The following VRK2 variants were observed in gnomAD, a reference collection of about 807,000 sequenced individuals.
The protein encoded by VRK2 is VRK serine/threonine kinase 2.
A neutral mutation model predicts 57.6 loss-of-function variants in VRK2; 60 were observed. The observed-to-expected ratio is 1.04, with a 90% CI of 0.85 to 1.29. VRK2 has a LOEUF of 1.29. Ranked by LOEUF, VRK2 falls within the 50% of genes most tolerant of loss-of-function variation. The probability of loss-of-function intolerance (pLI) is 0.00; values close to 1 mark genes in which losing one functional copy is unlikely to be tolerated. For missense variants in VRK2, 705 were observed against 588.1 expected, an observed-to-expected ratio of 1.20 and a Z score of -2.06; for synonymous variants, 231 against 199.2, an observed-to-expected ratio of 1.16 and a Z score of -1.35.
chr2:57,957,129 G>A (rs1671610860), intron 1 of VRK2, among the ~76,000 whole-genome samples: 1 of 152,014 alleles, frequency 6.6e-6, no homozygotes, highest in Non-Finnish European at 1.5e-5. Context: ...CAGGTTCCAG[G>A]CTCACTTTTG....
In VRK2 at chr2:57,935,325, G is replaced by C. The variant is rs889779621; in HGVS notation, c.-439+27486G>C. On this transcript the variant is annotated intron_variant, in intron 1 of 15. Coordinates refer to the VRK2 transcript ENST00000417641. The stretch of plus-strand genomic sequence containing the variant: ...ACACCTATTGATTCCTCTTGGTGGG[G>C]TGTGGGGGAATTCTTAAGACTGTAT... Among the ~76,000 whole-genome samples, 3 of 152,250 alleles carry C rather than the reference G, an allele frequency of 2.0e-5. No homozygotes were observed. The South Asian group carries it at 6.2e-4, about 32-fold the overall frequency.
chr2:58,122,074 G>A (rs1030690501), intron 7 of VRK2, among the ~76,000 whole-genome samples: 2 of 152,158 alleles, frequency 1.3e-5, no homozygotes, highest in African/African-American at 4.8e-5. Context: ...GACTTAGAAA[G>A]GTAACAGTGA....
chr2:58,102,646 A>G (rs76367119), intron 7 of VRK2, among the ~76,000 whole-genome samples: 10,445 of 151,734 alleles, frequency 0.069, 431 homozygotes, highest in Middle Eastern at 0.1. Context: ...TAGCAATACA[A>G]TAATAATGGG....
intron 9 of VRK2, among the ~76,000 whole-genome samples, chr2:58,134,405 A>T (rs183776063): frequency 4.1e-4 from 62 of 151,798 alleles, no homozygotes; most frequent in African/African-American, 1.4e-3. Flanking sequence ...AGGTCAGGAG[A>T]TCGAGACCAT....
intron 12 of VRK2, among the ~76,000 whole-genome samples, chr2:58,157,986 A>G (rs1001651017): frequency 2.6e-5 from 4 of 152,200 alleles, no homozygotes; most frequent in Non-Finnish European, 5.9e-5. Context: ...TACTGAAGAC[A>G]ACAGGTGGTT....
At chr2:57,988,850 A>G (rs540201251) in intron 1 of VRK2, among the ~76,000 whole-genome samples, 5 of 152,290 alleles carry the variant, frequency 3.3e-5, no homozygotes, top group East Asian at 3.9e-4. Flanking sequence ...TAATTCCCAT[A>G]ATAAGCCTCT....
At position 58,021,779 on chromosome 2, in the gene VRK2, T is replaced by C. The variant is rs149978489; in HGVS notation, c.-438-3886T>C. ...ACCTTTCCACATTATCACAATTGGC[T>C]ACCGAAACCTACATCTTCATTCCAT... On this transcript the variant is annotated intron_variant, in intron 1 of 15. Transcript: ENST00000417641. Among the ~76,000 whole-genome samples the C allele has an allele frequency of 9.2e-5, 14 of 152,302 alleles. No individual in the cohort carries two copies. The East Asian group carries it at 2.7e-3, about 29-fold the overall frequency.
At chr2:58,085,528 TA>T (rs1671490617) in intron 4 of VRK2, among the ~76,000 whole-genome samples, 1 of 151,956 alleles carries the variant, frequency 6.6e-6, no homozygotes, top group Non-Finnish European at 1.5e-5. Context: ...AACAGCATTT[TA>T]TAAATGTGAT....
At chr2:58,114,246 CA>C (rs1315739938) in intron 7 of VRK2, among the ~76,000 whole-genome samples, 1 of 152,060 alleles carries the variant, frequency 6.6e-6, no homozygotes, top group Non-Finnish European at 1.5e-5. Flanking sequence ...GTCCTGCCAG[CA>C]AAGATTATTT....
chr2:58,147,967 C>T (rs1334021919), intron 12 of VRK2, among the ~76,000 whole-genome samples: 1 of 151,808 alleles, frequency 6.6e-6, no homozygotes, highest in Admixed American at 6.6e-5. Flanking sequence ...GACATTTGGG[C>T]TACTACTCAT....
At chr2:57,986,341 A>G (rs1002754147) in intron 1 of VRK2, among the ~76,000 whole-genome samples, 1 of 152,176 alleles carries the variant, frequency 6.6e-6, no homozygotes, top group African/African-American at 2.4e-5. Flanking sequence ...TAGATCTAAT[A>G]TAGATTTTGG....
intron 7 of VRK2, among the ~76,000 whole-genome samples, chr2:58,108,450 T>G (rs1422168463): frequency 6.6e-6 from 1 of 152,206 alleles, no homozygotes; most frequent in Non-Finnish European, 1.5e-5. Flanking sequence ...ACAAAAATTG[T>G]GCCCCACCTT....
chr2:58,114,148 A>C (rs946816927), intron 7 of VRK2, among the ~76,000 whole-genome samples: 13 of 152,188 alleles, frequency 8.5e-5, no homozygotes, highest in Non-Finnish European at 1.5e-4. Flanking sequence ...TAAATGGAAT[A>C]AGAGAAGGAG....
intron 2 of VRK2, among the ~76,000 whole-genome samples, chr2:58,073,874 T>C: frequency 6.6e-6 from 1 of 151,830 alleles, no homozygotes; most frequent in East Asian, 1.9e-4. Flanking sequence ...AGTCTAATCT[T>C]TTCACATTCT....
At chr2:58,129,903 CG>C (rs1385714160) in intron 8 of VRK2, among the ~76,000 whole-genome samples, 41 of 152,084 alleles carry the variant, frequency 2.7e-4, no homozygotes, top group Non-Finnish European at 3.1e-4. Flanking sequence ...ATTCACCTAA[CG>C]GTAGTTATTA....
Position 57,978,856 on chromosome 2 carries a change from T to C in VRK2, c.-438-46809T>C, listed in dbSNP as rs572191406. Among the ~76,000 whole-genome samples the C allele has an allele frequency of 1.2e-3, 183 of 150,888 alleles. 12 individuals are homozygous for C. Among genetic ancestry groups the C allele is most frequent in the African/African-American group, 4.5e-3 (180 of 40,300 alleles). On this transcript the variant is annotated intron_variant, in intron 1 of 15. Transcript: ENST00000417641. Reference sequence around the variant, plus strand: ...TATGTTGTTCCCCTCTCCATGTCCATGTGTTCTCAATCTTCAACTCCCAAT... The same window carrying C: ...TATGTTGTTCCCCTCTCCATGTCCACGTGTTCTCAATCTTCAACTCCCAAT...
intron 7 of VRK2, among the ~76,000 whole-genome samples, chr2:58,112,555 G>A (rs936473116): frequency 3.1e-4 from 45 of 147,042 alleles, no homozygotes; most frequent in African/African-American, 1.1e-3. Context: ...TCACTGGAAT[G>A]AGCTGACAGT....
At chr2:58,065,167 G>T (rs751919150) in intron 2 of VRK2, among the ~76,000 whole-genome samples, 1 of 151,850 alleles carries the variant, frequency 6.6e-6, no homozygotes, top group African/African-American at 2.4e-5. Context: ...AAAATAAAGA[G>T]AAAAAAATCT....
chr2:58,146,575 G>T, intron 12 of VRK2, 101 bp downstream of exon 12: 1 of 1,339,832 alleles, frequency 7.5e-7, no homozygotes, highest in Non-Finnish European at 1.0e-6. Context: ...GGCCAAGGTT[G>T]TATGGTTTTG....
Sources: gnomAD v4.1 joint callset for allele counts (sites outside exome capture counted in the v4.1 genomes callset) on GRCh38, gnomAD v4.1.1 for gene constraint, MANE v1.5 for transcripts, NCBI Gene and HGNC (gene_info 2026-07-23, HGNC 2026-07-21) for gene names.